The following EXOG variants were observed in gnomAD, a reference collection of about 807,000 sequenced individuals.
EXOG encodes the protein exo/endonuclease G.
A neutral mutation model predicts 25.8 loss-of-function variants in EXOG; 27 were observed. That is an observed-to-expected ratio of 1.05 (90% CI 0.77 to 1.45). The LOEUF (loss-of-function observed/expected upper bound fraction) is 1.45. EXOG is among the 40% of genes most tolerant of loss of function. EXOG has a pLI of 0.00. For missense variants in EXOG, 458 were observed against 450.5 expected (o/e 1.02, Z -0.15); for synonymous variants, 133 against 167.0 (o/e 0.80, Z 1.57).
At chr3:38,507,427 C>T (rs1029520231) in intron 5 of EXOG, among the ~76,000 whole-genome samples, 3 of 152,156 alleles carry the variant, frequency 2.0e-5, no homozygotes, top group African/African-American at 7.2e-5. Flanking sequence ...TGGTCAACAT[C>T]AGGGTTTTGA....
At chr3:38,505,146 A>T (rs952463906) in intron 4 of EXOG, among the ~76,000 whole-genome samples, 18 of 152,194 alleles carry the variant, frequency 1.2e-4, no homozygotes, top group Non-Finnish European at 2.1e-4. Flanking sequence ...TCAGTGTTCA[A>T]ATTTTCCTGG....
intron 5 of EXOG, chr3:38,513,721 TTTC>T (rs1203198259): frequency 6.6e-6 from 1 of 152,238 alleles, no homozygotes; most frequent in Non-Finnish European, 1.5e-5. Context: ...CTTCATTCCC[TTTC>T]TTCTTTCCTT....
Position 38,525,406 on chromosome 3 carries a change from A to G in EXOG, c.*1044A>G. ...GGCCTGAGGCATGCTTGGCAAGAAG[A>G]GTCTGGTTTCTCGTCTGCTATGCAA... On this transcript the variant is annotated 3_prime_UTR_variant, in exon 6 of 6. Coordinates refer to ENST00000287675, the MANE Select transcript of EXOG (RefSeq NM_005107.4). The G allele has an allele frequency of 4.1e-6, 4 of 985,370 alleles. No homozygotes were observed. The highest frequency in any genetic ancestry group is 4.8e-6 in the Non-Finnish European group (4 of 829,918). The allele number at this position is 985,370 out of a possible 1,614,324, so 61.0% of individuals were successfully genotyped here.
At chr3:38,523,125 T>C in intron 5 of EXOG, 1 of 993,546 alleles carries the variant, frequency 1.0e-6, no homozygotes, top group Non-Finnish European at 1.4e-6. Flanking sequence ...GCTATCTGTT[T>C]AGTTCCCTAG....
At position 38,497,604 on chromosome 3, in the gene EXOG, CTTTTT is replaced by C. The variant is rs72284153; in HGVS notation, c.164-14_164-10del. The C allele has an allele frequency of 3.0e-5, 42 of 1,411,826 alleles. No individual in the cohort carries two copies. Among genetic ancestry groups the C allele is most frequent in the Admixed American group, 1.9e-4 (7 of 37,716 alleles). The allele number at this position is 1,411,826 out of a possible 1,614,324, so 87.5% of individuals were successfully genotyped here. ...TGTGTTTTTTTTGTCTCTGCCCCCC[CTTTTT>C]TTTTTTTTTTCATTTTTAGGATCTG... On this transcript the variant is annotated intron_variant, in intron 1 of 5. Transcript: ENST00000287675.
Position 38,525,651 on chromosome 3 carries a change from A to C in EXOG, c.*1289A>C. The C allele has an allele frequency of 3.0e-6, 3 of 984,874 alleles. No homozygotes were observed. The highest frequency in any genetic ancestry group is 3.6e-6 in the Non-Finnish European group (3 of 829,446). The allele number at this position is 984,874 out of a possible 1,614,324, so 61.0% of individuals were successfully genotyped here. On this transcript the variant is annotated 3_prime_UTR_variant, in exon 6 of 6. Transcript: ENST00000287675. The stretch of plus-strand genomic sequence containing the variant: ...TGTTCTTAAGATTAAGAAACCTATG[A>C]AGGATCTGCAGCCAGGCATGGTGGC...
chr3:38,515,392 C>T (rs974240756), intron 5 of EXOG: 8 of 155,830 alleles, frequency 5.1e-5, no homozygotes. Context: ...CAGGAGGACT[C>T]TCTGGAAGGG....
intron 1 of EXOG, chr3:38,496,815 T>A: frequency 7.1e-7 from 1 of 1,406,512 alleles, no homozygotes; most frequent in Non-Finnish European, 9.4e-7. Context: ...GCGATATCTA[T>A]GTTTTAATGT....
At chr3:38,510,130 T>C (rs939675313) in intron 5 of EXOG, among the ~76,000 whole-genome samples, 4 of 152,182 alleles carry the variant, frequency 2.6e-5, no homozygotes, top group African/African-American at 9.7e-5. Flanking sequence ...ACTCCTGGTG[T>C]GATGCACTGA....
At chr3:38,500,674 G>T (rs374975112) in intron 2 of EXOG, among the ~76,000 whole-genome samples, 2 of 152,132 alleles carry the variant, frequency 1.3e-5, no homozygotes, top group East Asian at 1.9e-4. Context: ...CTCACCTCAC[G>T]ATAGTGCAAT....
At chr3:38,515,153 C>A (rs1038500114) in intron 5 of EXOG, among the ~76,000 whole-genome samples, 1 of 152,112 alleles carries the variant, frequency 6.6e-6, no homozygotes, top group African/African-American at 2.4e-5. Flanking sequence ...GGATGATAAC[C>A]TTTCCGAGTC....
intron 5 of EXOG, among the ~76,000 whole-genome samples, chr3:38,513,241 G>C (rs1457596510): frequency 6.6e-6 from 1 of 152,198 alleles, no homozygotes; most frequent in African/African-American, 2.4e-5. Context: ...CTAGACAAGA[G>C]TATCAACCTT....
chr3:38,521,317 A>G (rs1006603689), intron 5 of EXOG, among the ~76,000 whole-genome samples: 6 of 152,236 alleles, frequency 3.9e-5, no homozygotes, highest in African/African-American at 1.4e-4. Context: ...TCTCAAAAGT[A>G]GAATCGAGGT....
rs770955355 is a variant in EXOG at position 38,501,389 on chromosome 3, TG to T, written c.349del (p.Asp117IlefsTer62). On this transcript the variant is annotated frameshift_variant, in exon 3 of 6. Transcript: ENST00000287675. LOFTEE classifies it high-confidence loss of function. ...ADRKHCKFKP[D>X]PNIPPTFSAF... ...ACAGAAAGCATTGTAAATTTAAGCC[TG>T]ATCCCAATATCCCTCCAACCTTCAG... 7 of 1,613,578 alleles carry T rather than the reference TG, an allele frequency of 4.3e-6. No individual in the cohort carries two copies. Among genetic ancestry groups the T allele is most frequent in the Middle Eastern group, 1.7e-4 (1 of 6,052 alleles).
chr3:38,507,099 A>G (rs1186538307), intron 5 of EXOG, 131 bp downstream of exon 5: 3 of 500,834 alleles, frequency 6.0e-6, no homozygotes, highest in Non-Finnish European at 1.1e-5. Flanking sequence ...TCACTTATTC[A>G]ACAATATTTA....
chr3:38,513,391 A>G (rs888255493), intron 5 of EXOG, among the ~76,000 whole-genome samples: 1 of 152,200 alleles, frequency 6.6e-6, no homozygotes, highest in African/African-American at 2.4e-5. Flanking sequence ...ACCAGCATTT[A>G]TATTATTATA....
rs144452307 is a variant in EXOG, at chr3:38,523,909, C to T, written c.654C>T (p.Gly218=). 5.6e-5 allele frequency: 85 copies of T among 1,530,428 alleles called. No homozygotes were observed. Among genetic ancestry groups the T allele is most frequent in the Non-Finnish European group, 6.6e-5 (75 of 1,139,722 alleles). The allele number at this position is 1,530,428 out of a possible 1,614,324, so 94.8% of individuals were successfully genotyped here. ...GGCTGCTTTGTTTTTAGGTGATTGGCGAGGACAACGTGGCAGTCCCCTCAC... is the reference window on the plus strand; with the variant it reads ...GGCTGCTTTGTTTTTAGGTGATTGGTGAGGACAACGTGGCAGTCCCCTCAC... ...GKKIVSYQVI[G]EDNVAVPSHL... The change falls in exon 6 of 6, where the codon GGC becomes GGT. Residue 218 remains glycine (G), a synonymous_variant. Transcript: ENST00000287675.
intron 5 of EXOG, among the ~76,000 whole-genome samples, chr3:38,508,673 G>T (rs1407900563): frequency 1.3e-5 from 2 of 149,238 alleles, no homozygotes; most frequent in African/African-American, 5.0e-5. Flanking sequence ...TTAAGTCTGT[G>T]ATAAAATTTA....
chr3:38,501,132 A>G (rs1441320885), intron 2 of EXOG: 4 of 383,794 alleles, frequency 1.0e-5, no homozygotes, highest in Non-Finnish European at 1.8e-5. Flanking sequence ...TCAAAATTAT[A>G]TGAGATAGCT....
Sources: gnomAD v4.1 joint callset for allele counts (sites outside exome capture counted in the v4.1 genomes callset) on GRCh38, gnomAD v4.1.1 for gene constraint, MANE v1.5 for transcripts, NCBI Gene and HGNC (gene_info 2026-07-23, HGNC 2026-07-21) for gene names.